The following ZNF512B variants were observed in gnomAD, a reference collection of about 807,000 sequenced individuals.
ZNF512B encodes zinc finger protein 512B.
A neutral mutation model predicts 87.8 loss-of-function variants in ZNF512B; 22 were observed. That is an observed-to-expected ratio of 0.25 (90% CI 0.18 to 0.36). The LOEUF (loss-of-function observed/expected upper bound fraction) is 0.36. Among genes scored for constraint, ZNF512B ranks in the 10% least tolerant of loss-of-function variants. The pLI is 1.00. For missense variants in ZNF512B, 1,060 were observed against 1,231.6 expected (o/e 0.86, Z 2.09); for synonymous variants, 524 against 490.9 (o/e 1.07, Z -0.89).
intron 3 of ZNF512B, 106 bp downstream of exon 3, chr20:63,967,275 G>C: frequency 6.8e-7 from 1 of 1,472,276 alleles, no homozygotes; most frequent in Non-Finnish European, 9.1e-7. Context: ...CCCACATCTT[G>C]AGGCATAGAG....
rs2058963989 is a variant in ZNF512B, at chr20:63,969,930, T to A, written c.-119A>T. The A allele has an allele frequency of 6.9e-6, 1 of 144,866 alleles. No homozygotes were observed. Among genetic ancestry groups the A allele is most frequent in the African/African-American group, 2.5e-5 (1 of 39,402 alleles). 9.0% of individuals were successfully genotyped at this position (144,866 alleles called of 1,614,324 possible). A position where few individuals can be genotyped will look rare whatever the true frequency, so the allele number is the denominator to read the frequency against. On this transcript the variant is annotated 5_prime_UTR_variant, in exon 1 of 17. Transcript: ENST00000369888. ...CGCGCCGCGCTGCGCACATGCGCGCTCCCGCCCCTCCCACCTTTGACAGTT... is the reference window on the plus strand; with the variant it reads ...CGCGCCGCGCTGCGCACATGCGCGCACCCGCCCCTCCCACCTTTGACAGTT...
chr20:63,964,814 C>G, intron 5 of ZNF512B, 98 bp from the exon 6 acceptor site: 5 of 1,451,090 alleles, frequency 3.4e-6, no homozygotes, highest in Non-Finnish European at 4.6e-6. Flanking sequence ...GGAACGAGCC[C>G]CCATACCTTT....
rs763189918 is a variant in ZNF512B, at chr20:63,962,710, C to T, written c.2040G>A (p.Gly680=). 27 of 1,602,634 alleles carry T rather than the reference C, an allele frequency of 1.7e-5. No individual in the cohort carries two copies. Among genetic ancestry groups the T allele is most frequent in the Non-Finnish European group, 2.3e-5 (27 of 1,176,336 alleles). Residue 680 remains glycine, a synonymous_variant, in exon 13 of 17, where the codon GGG becomes GGA. Transcript: ENST00000369888. The part of the protein sequence containing the change: ...DPLGVERTPS[G]RVRRTSAQVA... ...CCTGGGCCGACGTGCGGCGGACACG[C>T]CCGCTTGGGGTCCGCTCCACACCCA...
chr20:63,963,427 T>G lies in ZNF512B; in HGVS notation c.1712A>C (p.Glu571Ala), dbSNP rs1311979342. ...CTCCTGCTCGCCCCCTTCGGAGGCC[T>G]CGGCGTCAGAGGGCTGGGGACAGGG... ...AEHSAKPSDA[E>A]ASEGGEQEER... is the part of the protein sequence containing the mutation. Residue 571 changes from glutamate to alanine, a missense_variant, in exon 11 of 17, where the codon GAG becomes GCG. Coordinates refer to ENST00000369888, the MANE Select transcript of ZNF512B (RefSeq NM_020713.3). The G allele has an allele frequency of 6.5e-6, 10 of 1,548,364 alleles. No homozygotes were observed. The highest frequency in any genetic ancestry group is 8.7e-6 in the Non-Finnish European group (10 of 1,151,676).
rs1023289340 is a variant in ZNF512B, at chr20:63,958,051, C to T, written c.*1837G>A. The T allele has an allele frequency of 2.6e-5, 4 of 152,238 alleles. No homozygotes were observed. The highest frequency in any genetic ancestry group is 9.7e-5 in the African/African-American group (4 of 41,418). The allele number at this position is 152,238 out of a possible 1,614,324, so 9.4% of individuals were successfully genotyped here. ...GGGAGTCCGGGTCTCCACACCCACT[C>T]CCTGGCACATCTGGCAAGGGCTGCT... On this transcript the variant is annotated 3_prime_UTR_variant, in exon 17 of 17. Coordinates refer to ENST00000369888, the MANE Select transcript of ZNF512B (RefSeq NM_020713.3).
chr20:63,967,457 C>T lies in ZNF512B; in HGVS notation c.188G>A (p.Ser63Asn), dbSNP rs200593656. The change falls in exon 3 of 17, where the codon AGT becomes AAT. Residue 63 changes from serine to asparagine, a missense_variant. This residue lies in a region of ZNF512B where 134 missense variants were observed against 153.6 expected (regional missense o/e 0.87). Transcript: ENST00000369888. ...CCCTTCTGTCTTGTCACTGGCTGGA[C>T]TTCCCGGGTCAAAGCAGAGAGGGGC... ...GQAPLCFDPG[S>N]PASDKTEGKK... 1 of 1,613,332 alleles carries T rather than the reference C, an allele frequency of 6.2e-7. No individual in the cohort carries two copies. Among genetic ancestry groups the T allele is most frequent in the Non-Finnish European group, 8.5e-7 (1 of 1,179,694 alleles).
chr20:63,964,116 T>A lies in ZNF512B; in HGVS notation c.1435A>T (p.Thr479Ser). The change falls in exon 8 of 17, where the codon ACT (threonine) becomes TCT (serine). Residue 479 changes from threonine to serine, a missense_variant. By Grantham distance (58) the Thr-to-Ser change is moderately conservative. Coordinates refer to ENST00000369888, the MANE Select transcript of ZNF512B (RefSeq NM_020713.3). ...ARKKVPAAPITVSKEAPAPVA... is the reference protein window; with the variant it reads ...ARKKVPAAPISVSKEAPAPVA... The stretch of plus-strand genomic sequence containing the variant: ...GGGGCCGGTGCCTCCTTGCTGACAG[T>A]GATGGGGGCAGCTGGCACCTTCTTC... 1.2e-6 allele frequency: 2 copies of A among 1,609,474 alleles called. No individual in the cohort carries two copies. Among genetic ancestry groups the A allele is most frequent in the Non-Finnish European group, 1.7e-6 (2 of 1,178,760 alleles).
intron 16 of ZNF512B, among the ~76,000 whole-genome samples, chr20:63,960,552 A>G (rs1284016503): frequency 1.9e-5 from 2 of 103,700 alleles, no homozygotes; most frequent in Non-Finnish European, 4.0e-5. Flanking sequence ...CACCTGCCGC[A>G]GGGCTGGACA....
intron 1 of ZNF512B, chr20:63,969,118 G>C: frequency 3.0e-6 from 3 of 985,478 alleles, no homozygotes; most frequent in Non-Finnish European, 3.6e-6. Flanking sequence ...AAGTTCTCTG[G>C]AAGTCCTCAC....
At position 63,963,806 on chromosome 20, in the gene ZNF512B, T is replaced by C; in HGVS notation, c.1588A>G (p.Met530Val). ...TGCCTTACCTTCTGACACACCTCCATGTGCTTCTTAAGCCCCACGAGAGTC... is the reference window on the plus strand; with the variant it reads ...TGCCTTACCTTCTGACACACCTCCACGTGCTTCTTAAGCCCCACGAGAGTC... Reference protein sequence around the residue: ...RKTLVGLKKHMEVCQKLQDAL... With the variant: ...RKTLVGLKKHVEVCQKLQDAL... Residue 530 changes from methionine to valine, a missense_variant, in exon 9 of 17, where the codon ATG (methionine) becomes GTG (valine). Around this residue, in one of 9 missense-constraint regions of ZNF512B, gnomAD observed 37 missense variants for 72.6 expected, o/e 0.51. Coordinates refer to ENST00000369888, the MANE Select transcript of ZNF512B (RefSeq NM_020713.3). The C allele has an allele frequency of 6.2e-7, 1 of 1,612,938 alleles. No individual in the cohort carries two copies. Among genetic ancestry groups the C allele is most frequent in the South Asian group, 1.1e-5 (1 of 91,074 alleles).
At position 63,959,591 on chromosome 20, in the gene ZNF512B, G is replaced by A; in HGVS notation, c.*297C>T. ...AAAGGCCATCTGCCTACTCTGCGCT[G>A]CAGCCCCTGTGGCACCAAGACCCCA... On this transcript the variant is annotated 3_prime_UTR_variant, in exon 17 of 17. Coordinates refer to ENST00000369888, the MANE Select transcript of ZNF512B (RefSeq NM_020713.3). The A allele has an allele frequency of 2.3e-6, 1 of 431,822 alleles. No individual in the cohort carries two copies. The highest frequency in any genetic ancestry group is 4.1e-6 in the Non-Finnish European group (1 of 245,204). The allele number at this position is 431,822 out of a possible 1,614,324, so 26.7% of individuals were successfully genotyped here. A position where few individuals can be genotyped will look rare whatever the true frequency, so the allele number is the denominator to read the frequency against.
At position 63,961,429 on chromosome 20, in the gene ZNF512B, G is replaced by C; in HGVS notation, c.2329-22C>G. The stretch of plus-strand genomic sequence containing the variant: ...CCCCCTGCAATGCATAGGCAGGCCA[G>C]TGCCCCAGCCCTTGGAGGACCCAGA... On this transcript the variant is annotated intron_variant, in intron 15 of 16. Transcript: ENST00000369888. This position sits in a 1 kb window ranked among gnomAD's most constrained non-coding sequence, Gnocchi z 6.4. The C allele has an allele frequency of 1.2e-6, 2 of 1,603,834 alleles. No individual in the cohort carries two copies. The highest frequency in any genetic ancestry group is 1.7e-6 in the Non-Finnish European group (2 of 1,175,300).
At chr20:63,968,380 C>T (rs1025643106) in intron 1 of ZNF512B, among the ~76,000 whole-genome samples, 1 of 152,220 alleles carries the variant, frequency 6.6e-6, no homozygotes, top group African/African-American at 2.4e-5. Context: ...AGGAGGCTGG[C>T]AACATTCCTC....
At chr20:63,967,997 T>C (rs1177258194) in intron 1 of ZNF512B, 45 bp from the exon 2 acceptor site, 2 of 1,576,180 alleles carry the variant, frequency 1.3e-6, no homozygotes, top group Admixed American at 3.4e-5. Flanking sequence ...GGGCCCCACT[T>C]GGAACACGTG....
intron 12 of ZNF512B, 84 bp from the exon 13 acceptor site, chr20:63,962,865 G>A (rs776553968): frequency 2.2e-4 from 299 of 1,377,244 alleles, no homozygotes; most frequent in Non-Finnish European, 2.6e-4. Flanking sequence ...CCCTAAGGCC[G>A]GTGGACCCAC....
At chr20:63,962,896 G>A in intron 12 of ZNF512B, 115 bp from the exon 13 acceptor site, 2 of 1,275,694 alleles carry the variant, frequency 1.6e-6, no homozygotes, top group Non-Finnish European at 2.1e-6. Flanking sequence ...GTGTGCTGGG[G>A]ACATGGCTGA....
chr20:63,963,291 G>A, intron 11 of ZNF512B, 26 bp from the exon 12 acceptor site: 1 of 1,538,686 alleles, frequency 6.5e-7, no homozygotes, highest in Non-Finnish European at 8.7e-7. Flanking sequence ...GAGGGTGGGT[G>A]AGTGGCCAGC....
In ZNF512B at chr20:63,966,382, GCA is replaced by G; in HGVS notation, c.791_792del (p.Val264AlafsTer79). On this transcript the variant is annotated frameshift_variant, in exon 5 of 17. Coordinates refer to ENST00000369888, the MANE Select transcript of ZNF512B (RefSeq NM_020713.3). LOFTEE classifies it high-confidence loss of function. Reference sequence around the variant, plus strand: ...GTGACAGGTACGGGTTTGGTGACCGGCACAGACTTGGTGACTGTGATGGGTTT... The same window carrying G: ...GTGACAGGTACGGGTTTGGTGACCGGCAGACTTGGTGACTGTGATGGGTTT... ...VTKPITVTKS[V>X]PVTKPVPVTK... 1 of 1,613,760 alleles carries G rather than the reference GCA, an allele frequency of 6.2e-7. No individual in the cohort carries two copies. The highest frequency in any genetic ancestry group is 8.5e-7 in the Non-Finnish European group (1 of 1,179,882).
chr20:63,962,555 C>T (rs373848377), intron 13 of ZNF512B, 32 bp downstream of exon 13: 36 of 1,589,250 alleles, frequency 2.3e-5, no homozygotes, highest in East Asian at 1.4e-4. Flanking sequence ...GAGGCCACGG[C>T]GCTGTCCACA....
Sources: allele counts gnomAD v4.1 joint callset (sites outside exome capture counted in the v4.1 genomes callset), GRCh38; gene constraint gnomAD v4.1.1; regional missense constraint gnomAD v4.1.1; non-coding constraint Gnocchi (gnomAD v3.1); transcripts MANE v1.5; gene names NCBI Gene and HGNC (gene_info 2026-07-23, HGNC 2026-07-21).